The following LRMDA variants were observed in gnomAD, a reference collection of about 807,000 sequenced individuals.
The protein encoded by LRMDA is leucine rich melanocyte differentiation associated.
LRMDA carries 18 observed loss-of-function variants against 29.8 expected under a neutral mutation model. That is an observed-to-expected ratio of 0.60 (90% confidence interval 0.42 to 0.90). The LOEUF is 0.90. LRMDA is among the 40% of genes least tolerant of loss of function. The pLI, the probability that LRMDA is intolerant of heterozygous loss-of-function variation, is 0.00. For synonymous variants in LRMDA, 125 were observed against 109.4 expected (o/e 1.14, Z -0.89); for missense variants, 273 against 273.9 (o/e 1.00, Z 0.02).
chr10:76,544,027 T>C (rs1843389743), intron 6 of LRMDA, among the ~76,000 whole-genome samples: 1 of 152,026 alleles, frequency 6.6e-6, no homozygotes, highest in Non-Finnish European at 1.5e-5. Context: ...GCATTATGAG[T>C]CTTTCTTCTC....
intron 2 of LRMDA, among the ~76,000 whole-genome samples, chr10:75,802,932 ATGTG>A (rs71024568): frequency 1.3e-4 from 18 of 136,116 alleles, no homozygotes; most frequent in East Asian, 6.5e-4. Context: ...TTAATACATT[ATGTG>A]TGTGTGTGTG....
chr10:75,988,965 G>A (rs1328742392), intron 2 of LRMDA, among the ~76,000 whole-genome samples: 2 of 152,252 alleles, frequency 1.3e-5, no homozygotes, highest in South Asian at 2.1e-4. Context: ...TCCCTGTTGA[G>A]AATGACCCCT....
chr10:76,466,645 A>C (rs2132313000), intron 6 of LRMDA, among the ~76,000 whole-genome samples: 1 of 152,186 alleles, frequency 6.6e-6, no homozygotes, highest in Middle Eastern at 3.4e-3. Flanking sequence ...AAAGGACAAA[A>C]GTTATCCGGG....
intron 6 of LRMDA, among the ~76,000 whole-genome samples, chr10:76,395,192 G>A (rs932266395): frequency 6.6e-6 from 1 of 152,170 alleles, no homozygotes; most frequent in Non-Finnish European, 1.5e-5. Flanking sequence ...TATGAAGTGT[G>A]ACCAACCTGA....
chr10:76,287,626 G>A (rs1287364042), intron 5 of LRMDA, among the ~76,000 whole-genome samples: 3 of 152,130 alleles, frequency 2.0e-5, no homozygotes. Context: ...TGCATTCTTA[G>A]TGAGTGGAAA....
At chr10:76,338,874 T>A (rs1001071998) in intron 6 of LRMDA, among the ~76,000 whole-genome samples, 1 of 152,086 alleles carries the variant, frequency 6.6e-6, no homozygotes, top group Non-Finnish European at 1.5e-5. Context: ...ATTACTGAAA[T>A]GACAAAGAGG....
chr10:75,721,700 A>C (rs960569676), intron 2 of LRMDA, among the ~76,000 whole-genome samples: 7 of 152,230 alleles, frequency 4.6e-5, no homozygotes, highest in Non-Finnish European at 1.0e-4. Flanking sequence ...ATCATGTTGT[A>C]TTCCAAAGTA....
At chr10:75,437,128 G>A (rs1043728681) in intron 1 of LRMDA, among the ~76,000 whole-genome samples, 2 of 152,194 alleles carry the variant, frequency 1.3e-5, no homozygotes, top group African/African-American at 4.8e-5. Flanking sequence ...CATTGGATAG[G>A]AGAAGGTTGA....
intron 5 of LRMDA, among the ~76,000 whole-genome samples, chr10:76,269,630 G>A (rs1397857479): frequency 6.6e-6 from 1 of 152,158 alleles, no homozygotes; most frequent in Admixed American, 6.5e-5. Context: ...CCATTTGAAA[G>A]TTCCCTGGTC....
chr10:75,867,341 T>C (rs545589873), intron 2 of LRMDA, among the ~76,000 whole-genome samples: 19 of 152,232 alleles, frequency 1.2e-4, no homozygotes, highest in Admixed American at 4.6e-4. Flanking sequence ...TTTTGTATTT[T>C]TAGTAGAGAC....
At chr10:76,384,760 T>G (rs1469998439) in intron 6 of LRMDA, among the ~76,000 whole-genome samples, 6 of 152,238 alleles carry the variant, frequency 3.9e-5, no homozygotes, top group Admixed American at 1.3e-4. Context: ...TGCTTGGATT[T>G]GTATTTCTTC....
chr10:75,940,281 T>G (rs1409169961), intron 2 of LRMDA, among the ~76,000 whole-genome samples: 3 of 152,060 alleles, frequency 2.0e-5, no homozygotes, highest in African/African-American at 4.8e-5. Context: ...AAGGGCGTGT[T>G]GATAACCAGG....
intron 5 of LRMDA, among the ~76,000 whole-genome samples, chr10:76,066,493 C>T (rs776576612): frequency 2.2e-4 from 34 of 152,088 alleles, no homozygotes; most frequent in Non-Finnish European, 3.2e-4. Flanking sequence ...TCCTAAGCCC[C>T]AAAACTCATG....
chr10:75,531,491 T>A (rs952712411), intron 2 of LRMDA, among the ~76,000 whole-genome samples: 3 of 152,166 alleles, frequency 2.0e-5, no homozygotes, highest in Non-Finnish European at 4.4e-5. Flanking sequence ...TGTACTCCCA[T>A]CCTTTGTTGC....
intron 2 of LRMDA, among the ~76,000 whole-genome samples, chr10:76,002,818 G>T (rs181669833): frequency 1.3e-5 from 2 of 152,274 alleles, no homozygotes; most frequent in Non-Finnish European, 1.5e-5. Context: ...AGGCTTTCAG[G>T]GAACTCCTCA....
intron 6 of LRMDA, among the ~76,000 whole-genome samples, chr10:76,501,247 A>T (rs1196115869): frequency 4.7e-5 from 1 of 21,196 alleles, no homozygotes; most frequent in African/African-American, 7.8e-5. Context: ...GTGAACATAT[A>T]CCACAGTTTC....
chr10:75,624,458 C>T (rs1207115364), intron 2 of LRMDA, among the ~76,000 whole-genome samples: 2 of 152,060 alleles, frequency 1.3e-5, no homozygotes, highest in Non-Finnish European at 2.9e-5. Flanking sequence ...TGTGTGTTAC[C>T]AACATGGGTG....
At chr10:76,098,117 T>C (rs1401577555) in intron 5 of LRMDA, among the ~76,000 whole-genome samples, 1 of 152,216 alleles carries the variant, frequency 6.6e-6, no homozygotes, top group African/African-American at 2.4e-5. Context: ...TATTGGTCTA[T>C]AGTTTTCTTG....
chr10:76,331,607 G>T (rs1370058517), intron 6 of LRMDA, among the ~76,000 whole-genome samples: 5 of 152,152 alleles, frequency 3.3e-5, no homozygotes, highest in Admixed American at 3.3e-4. Flanking sequence ...TTTGTCCAGG[G>T]GTCCTGTCAA....
Sources: gnomAD v4.1 joint callset for allele counts (sites outside exome capture counted in the v4.1 genomes callset) on GRCh38, gnomAD v4.1.1 for gene constraint, MANE v1.5 for transcripts, NCBI Gene and HGNC (gene_info 2026-07-23, HGNC 2026-07-21) for gene names.